CACNA1C: variants seen among roughly 807,000 people sequenced by gnomAD.
The protein encoded by CACNA1C is calcium voltage-gated channel subunit alpha1 C.
A neutral mutation model predicts 229.0 loss-of-function variants in CACNA1C; 30 were observed. That is an observed-to-expected ratio of 0.13 (90% CI 0.10 to 0.18). CACNA1C has a LOEUF of 0.18. Ranked by LOEUF, CACNA1C falls within the 10% of genes least tolerant of loss-of-function variation. CACNA1C has a pLI of 1.00. For synonymous variants in CACNA1C, 1,114 were observed against 1,132.5 expected (o/e 0.98, Z 0.33); for missense variants, 1,658 against 2,845.0 (o/e 0.58, Z 9.49).
chr12:2,543,993 A>G (rs2099876730), intron 9 of CACNA1C, among the ~76,000 whole-genome samples: 1 of 151,950 alleles, frequency 6.6e-6, no homozygotes, highest in Non-Finnish European at 1.5e-5. Flanking sequence ...GCCTACGTCC[A>G]CCCCCTATAT....
chr12:2,099,065 T>C (rs992846570), intron 1 of CACNA1C, among the ~76,000 whole-genome samples: 21 of 152,244 alleles, frequency 1.4e-4, no homozygotes, highest in Admixed American at 1.2e-3. Context: ...GTTCTGAGGT[T>C]ATGTGCATGG....
chr12:2,453,610 C>T (rs752540069), intron 4 of CACNA1C, among the ~76,000 whole-genome samples: 10 of 152,256 alleles, frequency 6.6e-5, no homozygotes, highest in African/African-American at 1.2e-4. Context: ...CCTCATCACC[C>T]GGACTCCTGT....
chr12:2,079,775 A>C (rs1349784306), intron 1 of CACNA1C, among the ~76,000 whole-genome samples: 2 of 152,126 alleles, frequency 1.3e-5, no homozygotes, highest in African/African-American at 2.4e-5. Flanking sequence ...AATCACAAAA[A>C]CTCTGAAGCC....
chr12:2,679,635 C>T lies in CACNA1C; in HGVS notation c.5283C>T (p.Thr1761=), dbSNP rs747358417. ...TCACCCCGAGCAGCTACTCGTCCACCGGCTCCAACGCCAACATCAACAACG... is the reference window on the plus strand; with the variant it reads ...TCACCCCGAGCAGCTACTCGTCCACTGGCTCCAACGCCAACATCAACAACG... ...STFTPSSYSS[T]GSNANINNAN... Residue 1761 remains threonine, a synonymous_variant, in exon 42 of 47, where the codon ACC becomes ACT. Transcript: ENST00000399655. The surrounding 1 kb of genome is among the most constrained non-coding windows in gnomAD (Gnocchi z 5.5). 26 of 1,613,776 alleles carry T rather than the reference C, an allele frequency of 1.6e-5. No homozygotes were observed. The highest frequency in any genetic ancestry group is 1.6e-4 in the Middle Eastern group (1 of 6,084).
intron 3 of CACNA1C, among the ~76,000 whole-genome samples, chr12:2,248,923 T>C (rs1170379310): frequency 6.6e-6 from 1 of 152,202 alleles, no homozygotes. Context: ...AGAGCTGCTA[T>C]GAAGGTTGCA....
intron 3 of CACNA1C, among the ~76,000 whole-genome samples, chr12:2,272,207 C>T (rs2085362347): frequency 6.6e-6 from 1 of 152,200 alleles, no homozygotes; most frequent in African/African-American, 2.4e-5. Flanking sequence ...GCCACAAACC[C>T]TCTGCTTCAC....
chr12:2,568,158 C>T (rs1307504454), intron 13 of CACNA1C, among the ~76,000 whole-genome samples: 3 of 152,132 alleles, frequency 2.0e-5, no homozygotes, highest in African/African-American at 7.2e-5. Flanking sequence ...CATAAGATGA[C>T]TTCTGGAGAC....
chr12:2,364,491 T>G (rs1157034194), intron 3 of CACNA1C, among the ~76,000 whole-genome samples: 3 of 152,232 alleles, frequency 2.0e-5, no homozygotes, highest in Middle Eastern at 6.9e-3. Flanking sequence ...AGAGAGGAAC[T>G]TAAGTTATGT....
intron 1 of CACNA1C, among the ~76,000 whole-genome samples, chr12:1,976,978 T>A (rs561023356): frequency 1.3e-5 from 2 of 152,248 alleles, no homozygotes; most frequent in Non-Finnish European, 2.9e-5. Flanking sequence ...GAACTACTAT[T>A]TGCGACTATC....
At chr12:2,386,247 A>G (rs1340013165) in intron 3 of CACNA1C, among the ~76,000 whole-genome samples, 1 of 152,176 alleles carries the variant, frequency 6.6e-6, no homozygotes, top group African/African-American at 2.4e-5. Flanking sequence ...CCAACAAGTC[A>G]TTAAACACTG....
chr12:2,397,529 G>A (rs899536349), intron 3 of CACNA1C, among the ~76,000 whole-genome samples: 1 of 152,252 alleles, frequency 6.6e-6, no homozygotes, highest in Non-Finnish European at 1.5e-5. Context: ...CATTGCTCTT[G>A]ATTGACTGGG....
At chr12:2,386,744 C>G (rs2098398999) in intron 3 of CACNA1C, among the ~76,000 whole-genome samples, 1 of 152,176 alleles carries the variant, frequency 6.6e-6, no homozygotes, top group African/African-American at 2.4e-5. Flanking sequence ...ACACTAAGCA[C>G]CCGAGGGCAA....
intron 3 of CACNA1C, among the ~76,000 whole-genome samples, chr12:2,311,712 G>A (rs1214892341): frequency 1.3e-5 from 2 of 152,194 alleles, no homozygotes; most frequent in Admixed American, 6.5e-5. Flanking sequence ...CATTCATGGT[G>A]GGCCTGCAGA....
At chr12:2,052,893 CCGGG>C (rs530020760), upstream of CACNA1C, 208 of 732,766 alleles carry the variant, frequency 2.8e-4, no homozygotes, top group Admixed American at 7.8e-4. Flanking sequence ...CTCCGGCGCG[CCGGG>C]CGGGCGGGCG....
intron 45 of CACNA1C, among the ~76,000 whole-genome samples, chr12:2,686,836 C>CA (rs1249403259): frequency 3.7e-4 from 56 of 152,202 alleles, no homozygotes; most frequent in African/African-American, 1.3e-3. Flanking sequence ...ATGCCAGGAC[C>CA]AAACATGCCT....
chr12:2,074,544 T>C (rs1337529838), intron 1 of CACNA1C, among the ~76,000 whole-genome samples: 2 of 152,116 alleles, frequency 1.3e-5, no homozygotes, highest in East Asian at 1.9e-4. Flanking sequence ...TTGCGACTCC[T>C]CTGGGGTCTC....
intron 13 of CACNA1C, among the ~76,000 whole-genome samples, chr12:2,568,558 A>G (rs542069207): frequency 2.0e-5 from 3 of 152,372 alleles, no homozygotes; most frequent in Admixed American, 6.5e-5. Context: ...AATGTGGTCT[A>G]CACATACAGT....
intron 1 of CACNA1C, among the ~76,000 whole-genome samples, chr12:2,101,139 G>A (rs1203236515): frequency 1.3e-5 from 2 of 152,004 alleles, no homozygotes; most frequent in Non-Finnish European, 2.9e-5. Context: ...TAATTTTCAT[G>A]GCTTCCTAAA....
At chr12:2,681,846 G>A in intron 42 of CACNA1C, 1 of 741,858 alleles carries the variant, frequency 1.3e-6, no homozygotes, top group South Asian at 1.5e-5. Context: ...CAGCATGCAA[G>A]GTCTATAGAA....
Sources: allele counts gnomAD v4.1 joint callset (sites outside exome capture counted in the v4.1 genomes callset), GRCh38; gene constraint gnomAD v4.1.1; non-coding constraint Gnocchi (gnomAD v3.1); transcripts MANE v1.5; gene names NCBI Gene and HGNC (gene_info 2026-07-23, HGNC 2026-07-21).